Variants in GFI1B observed in about 807,000 individuals in gnomAD.
GFI1B encodes zinc finger protein Gfi-1b.
Under a neutral mutation model 35.3 loss-of-function variants are expected in GFI1B, and 20 were observed. The observed-to-expected ratio is 0.57, with a 90% CI of 0.40 to 0.82. GFI1B has a LOEUF of 0.82. GFI1B is among the 40% of genes least tolerant of loss of function. GFI1B has a pLI of 0.00. For synonymous variants in GFI1B, 178 were observed against 177.6 expected (o/e 1.00, Z -0.02); for missense variants, 430 against 446.3 (o/e 0.96, Z 0.33).
At chr9:132,960,702 A>G (rs971430859) in intron 1 of GFI1B, among the ~76,000 whole-genome samples, 1 of 151,610 alleles carries the variant, frequency 6.6e-6, no homozygotes, top group African/African-American at 2.4e-5. Context: ...GGGCCTAACT[A>G]TGTTTCCCAG....
intron 1 of GFI1B, among the ~76,000 whole-genome samples, chr9:132,962,342 T>G (rs1848380383): frequency 6.6e-6 from 1 of 151,998 alleles, no homozygotes; most frequent in Non-Finnish European, 1.5e-5. Context: ...TTTCACCATG[T>G]TAGCCAGGCT....
chr9:132,970,697 A>G (rs1848521028), intron 1 of GFI1B, among the ~76,000 whole-genome samples: 2 of 152,122 alleles, frequency 1.3e-5, no homozygotes, highest in Admixed American at 1.3e-4. Context: ...AAAATGCTCC[A>G]AAAGACTAAG....
chr9:132,961,158 A>G (rs765915342), intron 1 of GFI1B, among the ~76,000 whole-genome samples: 2 of 152,236 alleles, frequency 1.3e-5, no homozygotes, highest in Non-Finnish European at 2.9e-5. Flanking sequence ...ATTCTGTGTA[A>G]TCAGGAGTGA....
chr9:132,957,904 C>G (rs1444381554), intron 1 of GFI1B, among the ~76,000 whole-genome samples: 1 of 152,096 alleles, frequency 6.6e-6, no homozygotes, highest in Non-Finnish European at 1.5e-5. Flanking sequence ...GAACAGTTTC[C>G]TATGGTTTTG....
intron 1 of GFI1B, among the ~76,000 whole-genome samples, chr9:132,961,529 CAAATT>C (rs1848363653): frequency 1.3e-5 from 2 of 150,834 alleles, no homozygotes; most frequent in East Asian, 3.9e-4. Context: ...AAAGGAAACA[CAAATT>C]AAAACTACCC....
At chr9:132,977,491 G>A (rs1021719847), upstream of GFI1B, among the ~76,000 whole-genome samples, 5 of 152,102 alleles carry the variant, frequency 3.3e-5, no homozygotes, top group Non-Finnish European at 5.9e-5. Flanking sequence ...AGTTTAAATT[G>A]GGGCTTCCTG....
intron 3 of GFI1B, among the ~76,000 whole-genome samples, chr9:132,987,870 T>C (rs1254940606): frequency 1.3e-5 from 2 of 152,078 alleles, no homozygotes; most frequent in East Asian, 1.9e-4. Flanking sequence ...TTTGAGACAG[T>C]GTCTCACTCT....
chr9:132,965,664 G>A (rs1351905098), intron 1 of GFI1B, among the ~76,000 whole-genome samples: 2 of 152,200 alleles, frequency 1.3e-5, no homozygotes, highest in Admixed American at 6.5e-5. Context: ...TTGGAGTGGC[G>A]CAGCTCCAGG....
chr9:132,983,096 T>C (rs1848887534), intron 1 of GFI1B, among the ~76,000 whole-genome samples: 1 of 151,648 alleles, frequency 6.6e-6, no homozygotes, highest in Non-Finnish European at 1.5e-5. Context: ...AGTCTGTCCC[T>C]GGCCTGGCCC....
chr9:132,963,757 G>A (rs763573482), intron 1 of GFI1B: 1 of 152,116 alleles, frequency 6.6e-6, no homozygotes, highest in Non-Finnish European at 1.5e-5. Flanking sequence ...TTTAGAATTT[G>A]TCTAGCAGGC....
In GFI1B at chr9:132,991,040, A is replaced by G; in HGVS notation, c.983A>G (p.Asn328Ser). Residue 328 changes from asparagine (N) to serine (S), a missense_variant, in exon 7 of 7, where the codon AAT (asparagine) becomes AGT (serine). Transcript: ENST00000372122. Reference protein sequence around the residue: ...DLRRHRESQHNLK With the variant: ...DLRRHRESQHSLK ...CGGCGGCACCGCGAGAGCCAGCACA[A>G]TCTCAAGTGAGGCTGCGCCGGCTCC... 1 of 1,613,728 alleles carries G rather than the reference A, an allele frequency of 6.2e-7. No homozygotes were observed. Among genetic ancestry groups the G allele is most frequent in the African/African-American group, 1.3e-5 (1 of 75,070 alleles).
intron 1 of GFI1B, among the ~76,000 whole-genome samples, chr9:132,955,065 G>T (rs2132587626): frequency 6.6e-6 from 1 of 152,100 alleles, no homozygotes; most frequent in African/African-American, 2.4e-5. Flanking sequence ...TTTTATATTT[G>T]CCCACATATT....
chr9:132,949,268 T>TACACAC (rs36015720), intron 1 of GFI1B, among the ~76,000 whole-genome samples: 2,319 of 137,664 alleles, frequency 0.017, 26 homozygotes, highest in Middle Eastern at 0.03. Flanking sequence ...AACCCACAGA[T>TACACAC]ACACACACAC....
chr9:132,974,319 C>T (rs1023346942), upstream of GFI1B, among the ~76,000 whole-genome samples: 1 of 152,066 alleles, frequency 6.6e-6, no homozygotes, highest in Non-Finnish European at 1.5e-5. Context: ...GGAAGATGGC[C>T]AGGCGCGGTG....
In GFI1B at chr9:132,988,371, A is replaced by G; in HGVS notation, c.413A>G (p.Tyr138Cys). 3 of 1,614,120 alleles carry G rather than the reference A, an allele frequency of 1.9e-6. No individual in the cohort carries two copies. Among genetic ancestry groups the G allele is most frequent in the Non-Finnish European group, 2.5e-6 (3 of 1,179,950 alleles). ...TTCCTGGAGCACTCCGTCAGCCTGTACGGCAGTCCTCTTGTGCCCAGCACT... is the reference window on the plus strand; with the variant it reads ...TTCCTGGAGCACTCCGTCAGCCTGTGCGGCAGTCCTCTTGTGCCCAGCACT... ...SAFLEHSVSLYGSPLVPSTEP... is the reference protein window; with the variant it reads ...SAFLEHSVSLCGSPLVPSTEP... Residue 138 changes from tyrosine (Y) to cysteine (C), a missense_variant, in exon 4 of 7, where the codon TAC (tyrosine) becomes TGC (cysteine). Transcript: ENST00000372122.
rs376407817 is a variant in GFI1B, at chr9:132,989,108, T to C, written c.558T>C (p.His186=). Residue 186 remains histidine, a synonymous_variant, in exon 5 of 7, where the codon CAT becomes CAC. Coordinates refer to ENST00000372122, the MANE Select transcript of GFI1B (RefSeq NM_001377304.1). The surrounding 1 kb of genome is among the most constrained non-coding windows in gnomAD (Gnocchi z 6.2). ...TCGAAGTGCATGTGCGACGCTCCCA[T>C]AGTGGGACCCGGCCCTTCGCCTGTG... ...HGLEVHVRRS[H]SGTRPFACDI... 3 of 1,613,734 alleles carry C rather than the reference T, an allele frequency of 1.9e-6. No homozygotes were observed. Among genetic ancestry groups the C allele is most frequent in the East Asian group, 2.2e-5 (1 of 44,890 alleles).
chr9:132,947,944 G>T (rs1848146690), intron 1 of GFI1B, among the ~76,000 whole-genome samples: 1 of 152,188 alleles, frequency 6.6e-6, no homozygotes, highest in South Asian at 2.1e-4. Flanking sequence ...TCTATGAGTG[G>T]TTGAAGTATG....
At chr9:132,966,696 C>T (rs938797469) in intron 1 of GFI1B, among the ~76,000 whole-genome samples, 6 of 152,202 alleles carry the variant, frequency 3.9e-5, no homozygotes, top group African/African-American at 1.4e-4. Context: ...CTGCAGATTG[C>T]TTCTTAATTC....
intron 1 of GFI1B, chr9:132,951,965 C>T (rs1848209900): frequency 6.6e-6 from 1 of 152,112 alleles, no homozygotes; most frequent in African/African-American, 2.4e-5. Context: ...AGTGGGCTCT[C>T]ACCATGTTGC....
Sources: allele counts gnomAD v4.1 joint callset (sites outside exome capture counted in the v4.1 genomes callset), GRCh38; gene constraint gnomAD v4.1.1; non-coding constraint Gnocchi (gnomAD v3.1); transcripts MANE v1.5; gene names NCBI Gene and HGNC (gene_info 2026-07-23, HGNC 2026-07-21).